Variants in RBMX2 observed in about 807,000 individuals in gnomAD.
RBMX2 encodes the protein RNA binding motif protein X-linked 2.
For missense variants in RBMX2, 191 were observed against 256.0 expected (o/e 0.75, Z 1.73); for synonymous variants, 77 against 94.3 (o/e 0.82, Z 1.07).
At chrX:130,410,951 T>C (rs2034509333) in intron 4 of RBMX2, among the ~76,000 whole-genome samples, 1 of 112,389 alleles carries the variant, frequency 8.9e-6, no homozygotes, top group Non-Finnish European at 1.9e-5. Context: ...CTAGGGTATG[T>C]TTCACTGTAA....
chrX:130,404,213 G>A (rs1231406888), intron 3 of RBMX2: 2 of 202,076 alleles, frequency 9.9e-6, no homozygotes, highest in Non-Finnish European at 9.2e-6. Flanking sequence ...CCTGTGTGGC[G>A]TCATACGATT....
intron 3 of RBMX2, among the ~76,000 whole-genome samples, chrX:130,406,394 C>T (rs999316993): frequency 7.3e-5 from 8 of 110,327 alleles, no homozygotes; most frequent in Non-Finnish European, 1.3e-4. Flanking sequence ...ATGCTTGGGG[C>T]CAGGCACGGT....
At chrX:130,406,774 C>T (rs2034488079) in intron 3 of RBMX2, among the ~76,000 whole-genome samples, 1 of 110,714 alleles carries the variant, frequency 9.0e-6, no homozygotes, top group Non-Finnish European at 1.9e-5. Flanking sequence ...GGACCCAGAT[C>T]TAAACATAAA....
chrX:130,402,367 C>T lies in RBMX2; in HGVS notation c.118C>T (p.Leu40=). ...GTACAAGGACAGCGCCTGGATCTTC[C>T]TGGGTGAGGTCCACATCTTTCTTCC... ...SEYKDSAWIF[L]GGLPYELTEG... Residue 40 remains leucine, a synonymous_variant, in exon 2 of 6, where the codon CTG becomes TTG. Transcript: ENST00000305536. The T allele has an allele frequency of 2.5e-6, 3 of 1,208,073 alleles. No homozygotes were observed. The highest frequency in any genetic ancestry group is 3.4e-6 in the Non-Finnish European group (3 of 893,936).
At chrX:130,402,180 C>G in intron 1 of RBMX2, 75 bp from the exon 2 acceptor site, 1 of 1,168,441 alleles carries the variant, frequency 8.6e-7, no homozygotes, top group Non-Finnish European at 1.1e-6. Flanking sequence ...TTTTGCTCTT[C>G]CTCAGCTCCG....
intron 3 of RBMX2, among the ~76,000 whole-genome samples, chrX:130,404,852 G>T (rs778557937): frequency 8.9e-6 from 1 of 112,585 alleles, no homozygotes. Context: ...GACAAAGATT[G>T]CTTCCTCCAA....
intron 3 of RBMX2, among the ~76,000 whole-genome samples, chrX:130,406,015 C>T (rs778189323): frequency 2.5e-5 from 2 of 79,307 alleles, no homozygotes; most frequent in African/African-American, 7.9e-5. Context: ...CCACTACGCC[C>T]GGCTAATTTT....
At chrX:130,402,712 C>T (rs763542698) in intron 2 of RBMX2, among the ~76,000 whole-genome samples, 1 of 111,649 alleles carries the variant, frequency 9.0e-6, no homozygotes, top group East Asian at 2.8e-4. Context: ...CTAGTAAGCG[C>T]AACAGGCAGA....
intron 5 of RBMX2, 22 bp downstream of exon 5, chrX:130,411,547 G>A: frequency 8.7e-7 from 1 of 1,147,744 alleles, no homozygotes; most frequent in Non-Finnish European, 1.2e-6. Context: ...AGACTTAAGA[G>A]AAGATTCTGG....
chrX:130,405,853 T>TG (rs1221862128), intron 3 of RBMX2, among the ~76,000 whole-genome samples: 2 of 35,928 alleles, frequency 5.6e-5, no homozygotes, highest in African/African-American at 7.2e-4. Context: ...TTTTTTTTTT[T>TG]TTTTTTTTTT....
intron 3 of RBMX2, among the ~76,000 whole-genome samples, chrX:130,406,635 T>C (rs536219337): frequency 7.2e-4 from 74 of 102,175 alleles, no homozygotes; most frequent in Middle Eastern, 0.01. Flanking sequence ...ATAGTACCAT[T>C]GCACTCCAGC....
intron 1 of RBMX2, 31 bp from the exon 2 acceptor site, chrX:130,402,224 T>TTCCCCCCCC: frequency 4.3e-6 from 5 of 1,174,317 alleles, no homozygotes; most frequent in Non-Finnish European, 5.7e-6. Context: ...CTTTTCTGCC[T>TTCCCCCCCC]ACCCTCCCCA....
intron 2 of RBMX2, among the ~76,000 whole-genome samples, 190 bp from the exon 3 acceptor site, chrX:130,403,612 A>T (rs1196669364): frequency 2.7e-5 from 3 of 111,464 alleles, no homozygotes; most frequent in Non-Finnish European, 5.7e-5. Context: ...ACCTCAGGTG[A>T]TCCACCCTCC....
At chrX:130,403,908 A>G (rs2034470054) in intron 3 of RBMX2, 55 bp downstream of exon 3, 1 of 1,132,235 alleles carries the variant, frequency 8.8e-7, no homozygotes, top group Non-Finnish European at 1.2e-6. Context: ...TTGTTTCTGT[A>G]ATACATTTTG....
Position 130,412,968 on chromosome X carries a change from GA to G in RBMX2, c.*121del. On this transcript the variant is annotated 3_prime_UTR_variant, in exon 6 of 6. Coordinates refer to ENST00000305536, the MANE Select transcript of RBMX2 (RefSeq NM_016024.4). The stretch of plus-strand genomic sequence containing the variant: ...TGGGGCTGGATTCTTTTAATCCCTT[GA>G]CTATTTAGAGTCATTGGGAGGGCTG... The G allele has an allele frequency of 4.0e-6, 3 of 751,547 alleles. No homozygotes were observed. Among genetic ancestry groups the G allele is most frequent in the Non-Finnish European group, 5.6e-6 (3 of 532,862 alleles). The allele number at this position is 751,547 out of a possible 1,213,427, so 61.9% of individuals were successfully genotyped here. A position where few individuals can be genotyped will look rare whatever the true frequency, so the allele number is the denominator to read the frequency against.
At position 130,413,085 on chromosome X, in the gene RBMX2, T is replaced by C. The variant is rs1603272099; in HGVS notation, c.*237T>C. On this transcript the variant is annotated 3_prime_UTR_variant, in exon 6 of 6. Coordinates refer to ENST00000305536, the MANE Select transcript of RBMX2 (RefSeq NM_016024.4). ...TATCCTGAACTTTGGTTCATAAATA[T>C]GGCTCTTGAACCCATAGACCCCAGT... 3.3e-6 allele frequency: 1 copy of C among 299,161 alleles called. No homozygotes were observed. The highest frequency in any genetic ancestry group is 6.6e-5 in the East Asian group (1 of 15,218). The allele number at this position is 299,161 out of a possible 1,213,427, so 24.7% of individuals were successfully genotyped here. A position where few individuals can be genotyped will look rare whatever the true frequency, so the allele number is the denominator to read the frequency against.
chrX:130,406,328 C>G (rs1053035377), intron 3 of RBMX2, among the ~76,000 whole-genome samples: 3 of 111,117 alleles, frequency 2.7e-5, no homozygotes, highest in Admixed American at 9.6e-5. Flanking sequence ...AGGATATTAA[C>G]TCTTTGCAGT....
In RBMX2 at chrX:130,412,526, C is replaced by T. The variant is rs762680339; in HGVS notation, c.647C>T (p.Ser216Leu). ...AAGAACTCAGAGAGAGCTCAGAAGT[C>T]AGAGCCCAGGGAGGGGCAGAAGCTC... ...SSKNSERAQK[S>L]EPREGQKLPK... The change falls in exon 6 of 6, where the codon TCA becomes TTA. Residue 216 changes from serine to leucine, a missense_variant. Ser to Leu is a moderately radical substitution (Grantham distance 145). Coordinates refer to ENST00000305536, the MANE Select transcript of RBMX2 (RefSeq NM_016024.4). The T allele has an allele frequency of 8.3e-7, 1 of 1,209,911 alleles. No individual in the cohort carries two copies. Among genetic ancestry groups the T allele is most frequent in the Non-Finnish European group, 1.1e-6 (1 of 895,020 alleles).
chrX:130,402,412 C>T, intron 2 of RBMX2, 42 bp downstream of exon 2: 1 of 1,184,007 alleles, frequency 8.4e-7, no homozygotes, highest in South Asian at 1.9e-5. Flanking sequence ...TCCAGATTCT[C>T]CTGCTCGGTT....
Sources: gnomAD v4.1 joint callset for allele counts (sites outside exome capture counted in the v4.1 genomes callset) on GRCh38, gnomAD v4.1.1 for gene constraint, MANE v1.5 for transcripts, NCBI Gene and HGNC (gene_info 2026-07-23, HGNC 2026-07-21) for gene names.